Variants in MAP3K13 observed in about 807,000 individuals in gnomAD.
The protein encoded by MAP3K13 is leucine zipper-bearing kinase.
MAP3K13 carries 52 observed loss-of-function variants against 104.0 expected under a neutral mutation model. The observed-to-expected ratio is 0.50, with a 90% confidence interval of 0.40 to 0.63. The LOEUF (loss-of-function observed/expected upper bound fraction) is 0.63, where lower values mean the gene tolerates loss of function less well. Among genes scored for constraint, MAP3K13 ranks in the 20% least tolerant of loss-of-function variants. The probability of loss-of-function intolerance (pLI) is 0.00; values close to 1 mark genes in which losing one functional copy is unlikely to be tolerated. For synonymous variants in MAP3K13, 394 were observed against 442.2 expected (o/e 0.89, Z 1.37); for missense variants, 914 against 1,218.5 (o/e 0.75, Z 3.72).
chr3:185,346,372 A>G (rs1324647160), intron 2 of MAP3K13, among the ~76,000 whole-genome samples: 5 of 152,212 alleles, frequency 3.3e-5, no homozygotes, highest in African/African-American at 9.6e-5. Flanking sequence ...TATGATCTGT[A>G]TCCTTCAACC....
At chr3:185,417,919 G>T (rs1713879993) in intron 1 of MAP3K13, 1 of 1,603,896 alleles carries the variant, frequency 6.2e-7, no homozygotes, top group Admixed American at 1.7e-5. Context: ...GCTAAGATCT[G>T]TATTAATCAA....
intron 7 of MAP3K13, among the ~76,000 whole-genome samples, chr3:185,460,934 C>T (rs1717062089): frequency 6.6e-6 from 1 of 152,198 alleles, no homozygotes; most frequent in Non-Finnish European, 1.5e-5. Flanking sequence ...CTCCTTTTCT[C>T]GTCCCTTCTT....
chr3:185,457,135 A>ACCTGAAC (rs1200904253), intron 7 of MAP3K13, among the ~76,000 whole-genome samples: 5 of 31,702 alleles, frequency 1.6e-4, no homozygotes, highest in Non-Finnish European at 5.6e-4. Context: ...CTAAGTTGCC[A>ACCTGAAC]CAGTCGGGTT....
intron 1 of MAP3K13, among the ~76,000 whole-genome samples, chr3:185,408,441 G>T (rs141280900): frequency 4.2e-4 from 64 of 152,018 alleles, no homozygotes; most frequent in African/African-American, 1.5e-3. Flanking sequence ...GCATGGTGGC[G>T]CATGCCTGTG....
chr3:185,339,977 C>G (rs904862832), intron 2 of MAP3K13, among the ~76,000 whole-genome samples: 9 of 141,342 alleles, frequency 6.4e-5, no homozygotes, highest in African/African-American at 2.3e-4. Flanking sequence ...GTTTTGTGAC[C>G]TTTAATTATT....
intron 2 of MAP3K13, among the ~76,000 whole-genome samples, chr3:185,342,016 G>A (rs142786740): frequency 3.9e-5 from 6 of 152,296 alleles, no homozygotes; most frequent in African/African-American, 1.4e-4. Context: ...TCTAGGGGAA[G>A]CCAGCTGCCT....
intron 1 of MAP3K13, among the ~76,000 whole-genome samples, chr3:185,426,080 C>CTT (rs1560099857): frequency 6.6e-6 from 1 of 151,138 alleles, no homozygotes; most frequent in South Asian, 2.1e-4. Context: ...TCCCTCTTCT[C>CTT]CTTCTTCTTC....
intron 2 of MAP3K13, chr3:185,328,982 A>G (rs1722141980): frequency 2.2e-6 from 1 of 461,376 alleles, no homozygotes; most frequent in African/African-American, 1.9e-5. Flanking sequence ...TTTTTTTAAA[A>G]AAAACTATTA....
chr3:185,335,194 G>A (rs1722437337), intron 2 of MAP3K13, among the ~76,000 whole-genome samples: 1 of 152,198 alleles, frequency 6.6e-6, no homozygotes, highest in East Asian at 1.9e-4. Flanking sequence ...AGAGGACCAT[G>A]CAGCATTTTC....
At chr3:185,307,546 C>CCG (rs58408265) in intron 2 of MAP3K13, among the ~76,000 whole-genome samples, 8 of 103,978 alleles carry the variant, frequency 7.7e-5, no homozygotes, top group Admixed American at 2.3e-4. Flanking sequence ...GCACCACCCC[C>CCG]TCCCCCGCCA....
intron 1 of MAP3K13, among the ~76,000 whole-genome samples, chr3:185,380,223 C>T (rs1423018723): frequency 1.4e-5 from 2 of 141,120 alleles, no homozygotes; most frequent in Non-Finnish European, 3.1e-5. Flanking sequence ...AAGAAGTGCT[C>T]ATTCTCAGGC....
At chr3:185,410,014 C>A (rs1042160994) in intron 1 of MAP3K13, among the ~76,000 whole-genome samples, 11 of 152,138 alleles carry the variant, frequency 7.2e-5, no homozygotes, top group Admixed American at 7.2e-4. Context: ...CGCGCACAAC[C>A]TTATGAGATC....
chr3:185,337,953 ATTC>A (rs1042527402), intron 2 of MAP3K13, among the ~76,000 whole-genome samples: 1 of 152,198 alleles, frequency 6.6e-6, no homozygotes, highest in Non-Finnish European at 1.5e-5. Flanking sequence ...ATAAAAAGTC[ATTC>A]ACTGAAAAAT....
chr3:185,454,556 C>CATATATATGATATATAG (rs1716193933), intron 7 of MAP3K13, among the ~76,000 whole-genome samples: 1 of 53,818 alleles, frequency 1.9e-5, no homozygotes, highest in Non-Finnish European at 3.7e-5. Context: ...GATATATACA[C>CATATATATGATATATAG]ATATATATGA....
At position 185,466,935 on chromosome 3, in the gene MAP3K13, C is replaced by A; in HGVS notation, c.1615C>A (p.Pro539Thr). ...GAAACTCATGAAAAGGAAAGGAGTG[C>A]CTCACAAATCTGGGATGCAGACCAA... The part of the protein sequence containing the change: ...MEKLMKRKGV[P>T]HKSGMQTKRP... Residue 539 changes from proline to threonine, a missense_variant, in exon 10 of 14, where the codon CCT becomes ACT. Pro to Thr is a conservative substitution (Grantham distance 38, BLOSUM62 -1). Transcript: ENST00000265026. 6.2e-7 allele frequency: 1 copy of A among 1,613,946 alleles called. No individual in the cohort carries two copies. Among genetic ancestry groups the A allele is most frequent in the Non-Finnish European group, 8.5e-7 (1 of 1,179,850 alleles).
chr3:185,441,793 G>A (rs1715335475), intron 3 of MAP3K13, among the ~76,000 whole-genome samples: 1 of 152,094 alleles, frequency 6.6e-6, no homozygotes, highest in Non-Finnish European at 1.5e-5. Flanking sequence ...TGTAATCCCA[G>A]CACTTTGGGA....
intron 1 of MAP3K13, among the ~76,000 whole-genome samples, chr3:185,400,904 T>C (rs1169656857): frequency 1.3e-5 from 1 of 75,188 alleles, no homozygotes; most frequent in Non-Finnish European, 2.6e-5. Flanking sequence ...GGTGTTTGTT[T>C]GTTTTTTTTT....
chr3:185,341,179 T>C (rs1722708857), intron 2 of MAP3K13, among the ~76,000 whole-genome samples: 1 of 152,084 alleles, frequency 6.6e-6, no homozygotes, highest in Admixed American at 6.6e-5. Flanking sequence ...TTTATAGATG[T>C]AATTAGTTAC....
chr3:185,346,726 T>C (rs909988014), intron 2 of MAP3K13, among the ~76,000 whole-genome samples: 1 of 152,172 alleles, frequency 6.6e-6, no homozygotes, highest in South Asian at 2.1e-4. Context: ...TGATACCTAT[T>C]GCCAAATTGT....
Sources: allele counts gnomAD v4.1 joint callset (sites outside exome capture counted in the v4.1 genomes callset), GRCh38; gene constraint gnomAD v4.1.1; transcripts MANE v1.5; gene names NCBI Gene and HGNC (gene_info 2026-07-23, HGNC 2026-07-21).